The following ADGRG6 variants were observed in gnomAD, a reference collection of about 807,000 sequenced individuals.
ADGRG6 encodes adhesion G protein-coupled receptor G6, also known as G-protein coupled receptor 126.
A neutral mutation model predicts 142.4 loss-of-function variants in ADGRG6; 84 were observed. That is an observed-to-expected ratio of 0.59 (90% confidence interval 0.49 to 0.71). ADGRG6 has a LOEUF of 0.71. ADGRG6 is among the 30% of genes least tolerant of loss of function. The pLI, the probability that ADGRG6 is intolerant of heterozygous loss-of-function variation, is 0.00. For synonymous variants in ADGRG6, 521 were observed against 520.5 expected (o/e 1.00, Z -0.01); for missense variants, 1,367 against 1,466.6 (o/e 0.93, Z 1.11).
rs773992804 is a variant in ADGRG6, at chr6:142,417,295, A to G, written c.2961A>G (p.Ser987=). ...CAGGTTTGCCTGCCTTAGTGGTGTC[A>G]GTTGTTCTAGCGAGCAGAAACAACA... ...IGWGLPALVV[S]VVLASRNNNE... Residue 987 remains serine, a synonymous_variant, in exon 21 of 25, where the codon TCA becomes TCG. Transcript: ENST00000367609. 4.4e-6 allele frequency: 7 copies of G among 1,600,238 alleles called. No homozygotes were observed. Among genetic ancestry groups the G allele is most frequent in the South Asian group, 3.3e-5 (3 of 89,930 alleles).
intron 2 of ADGRG6, among the ~76,000 whole-genome samples, chr6:142,350,478 T>G (rs1780118646): frequency 6.6e-6 from 1 of 152,168 alleles, no homozygotes; most frequent in Non-Finnish European, 1.5e-5. Context: ...ATGAAACAAC[T>G]CATAAACTCA....
At chr6:142,388,075 T>C (rs1782120371) in intron 6 of ADGRG6, among the ~76,000 whole-genome samples, 1 of 152,166 alleles carries the variant, frequency 6.6e-6, no homozygotes, top group Non-Finnish European at 1.5e-5. Context: ...TGTGTCTTAA[T>C]TATGCATTTC....
intron 2 of ADGRG6, among the ~76,000 whole-genome samples, chr6:142,341,422 TATATA>T (rs1425731789): frequency 3.3e-5 from 4 of 120,552 alleles, no homozygotes; most frequent in African/African-American, 1.3e-4. Flanking sequence ...ATAATATAAT[TATATA>T]ATATATATAA....
chr6:142,356,551 G>A (rs1780454488), intron 2 of ADGRG6, among the ~76,000 whole-genome samples: 1 of 152,174 alleles, frequency 6.6e-6, no homozygotes, highest in South Asian at 2.1e-4. Flanking sequence ...ACTATACAGG[G>A]CACTCCTTTC....
chr6:142,409,246 A>G (rs933652398), intron 16 of ADGRG6, among the ~76,000 whole-genome samples: 17 of 152,092 alleles, frequency 1.1e-4, no homozygotes, highest in Non-Finnish European at 2.4e-4. Flanking sequence ...AGTACCTCAT[A>G]TAAGTGGAAA....
At chr6:142,377,415 C>G (rs1781555050) in intron 4 of ADGRG6, among the ~76,000 whole-genome samples, 1 of 152,208 alleles carries the variant, frequency 6.6e-6, no homozygotes, top group African/African-American at 2.4e-5. Flanking sequence ...ACAAGTCGGG[C>G]TCCAGTCCTC....
At chr6:142,357,998 T>G (rs914587623) in intron 2 of ADGRG6, among the ~76,000 whole-genome samples, 1 of 152,242 alleles carries the variant, frequency 6.6e-6, no homozygotes, top group African/African-American at 2.4e-5. Flanking sequence ...ATGGTCCCAG[T>G]ACTTTATATA....
chr6:142,429,135 A>G (rs898468499), intron 22 of ADGRG6, among the ~76,000 whole-genome samples: 12 of 152,216 alleles, frequency 7.9e-5, no homozygotes, highest in African/African-American at 2.9e-4. Flanking sequence ...AAATGAGTAG[A>G]GGATAGTTTA....
At chr6:142,310,709 T>C (rs1475566948) in intron 2 of ADGRG6, among the ~76,000 whole-genome samples, 2 of 151,912 alleles carry the variant, frequency 1.3e-5, no homozygotes, top group Non-Finnish European at 2.9e-5. Flanking sequence ...ACTTATTTAA[T>C]GGCTTCAAAA....
chr6:142,303,658 A>G lies in ADGRG6; in HGVS notation c.2+1327A>G, dbSNP rs140341091. Among the ~76,000 whole-genome samples, 182 of 152,340 alleles carry G rather than the reference A, an allele frequency of 1.2e-3. 1 individual carries two copies. Among genetic ancestry groups the G allele is most frequent in the African/African-American group, 4.0e-3 (168 of 41,576 alleles). ...TATACAGGCTACACATTTTGAAGTA[A>G]TATGAGCTTGTTTTCAACTTCAGTT... On this transcript the variant is annotated intron_variant, in intron 1 of 24. Coordinates refer to ENST00000367609, the MANE Select transcript of ADGRG6 (RefSeq NM_198569.3).
At position 142,415,082 on chromosome 6, in the gene ADGRG6, A is replaced by G. The variant is rs376656716; in HGVS notation, c.2655A>G (p.Thr885=). 1.6e-5 allele frequency: 26 copies of G among 1,610,162 alleles called. No homozygotes were observed. The African/African-American group carries it at 3.2e-4, about 20-fold the overall frequency. ...TTTTTTCAGCAGCAACTCTCCTGACATATGTTGCTTTTGAGTAAGTATATT... is the reference window on the plus strand; with the variant it reads ...TTTTTTCAGCAGCAACTCTCCTGACGTATGTTGCTTTTGAGTAAGTATATT... ...SAIFSAATLL[T]YVAFEKLRRD... The change falls in exon 19 of 25, where the codon ACA becomes ACG. Residue 885 remains threonine, a synonymous_variant. Coordinates refer to ENST00000367609, the MANE Select transcript of ADGRG6 (RefSeq NM_198569.3).
At position 142,397,761 on chromosome 6, in the gene ADGRG6, T is replaced by C. The variant is rs763530726; in HGVS notation, c.1567+6T>C. On this transcript the variant is annotated splice_donor_region_variant and intron_variant, in intron 10 of 24. Coordinates refer to ENST00000367609, the MANE Select transcript of ADGRG6 (RefSeq NM_198569.3). ...AGTGAATGTGAGACAACTGGGTAAG[T>C]GACTAATTTTTTTATAATATGCATT... 4.6e-6 allele frequency: 7 copies of C among 1,530,912 alleles called. No homozygotes were observed. In the African/African-American group the frequency reaches 9.9e-5, roughly 22 times the overall value. The allele number at this position is 1,530,912 out of a possible 1,614,324, so 94.8% of individuals were successfully genotyped here.
intron 4 of ADGRG6, 45 bp downstream of exon 4, chr6:142,370,838 T>C (rs752969611): frequency 2.0e-5 from 32 of 1,572,824 alleles, no homozygotes; most frequent in Non-Finnish European, 2.4e-5. Context: ...TTTAGCATTA[T>C]TCTATGAATA....
At chr6:142,356,374 T>C (rs2114800605) in intron 2 of ADGRG6, among the ~76,000 whole-genome samples, 1 of 152,314 alleles carries the variant, frequency 6.6e-6, no homozygotes, top group African/African-American at 2.4e-5. Context: ...TCTTGAGCAG[T>C]AGGAATGTAC....
At position 142,408,164 on chromosome 6, in the gene ADGRG6, A is replaced by G. The variant is rs1400007460; in HGVS notation, c.2283A>G (p.Gln761=). 1.3e-6 allele frequency: 2 copies of G among 1,584,198 alleles called. No individual in the cohort carries two copies. Among genetic ancestry groups the G allele is most frequent in the Non-Finnish European group, 1.7e-6 (2 of 1,163,486 alleles). Residue 761 remains glutamine (Q), a synonymous_variant, in exon 16 of 25, where the codon CAA becomes CAG. Coordinates refer to ENST00000367609, the MANE Select transcript of ADGRG6 (RefSeq NM_198569.3). ...TTCTTTAAAAGGATGTAGGACCCCA[A>G]AGAAAAACTTTAGTGAGTTATGTGA... ...KTGLFQDVGP[Q]RKTLVSYVMA...
intron 4 of ADGRG6, among the ~76,000 whole-genome samples, chr6:142,375,271 A>G (rs144497137): frequency 6.6e-6 from 1 of 152,196 alleles, no homozygotes. Flanking sequence ...ATAAGTTTTC[A>G]AAGTAATTTT....
intron 2 of ADGRG6, among the ~76,000 whole-genome samples, chr6:142,335,918 G>GA (rs1455800344): frequency 6.6e-6 from 1 of 151,998 alleles, no homozygotes; most frequent in East Asian, 1.9e-4. Flanking sequence ...TAAGAAGTAA[G>GA]AAAAAAATGT....
At chr6:142,402,086 C>G (rs766360618) in intron 12 of ADGRG6, 28 bp downstream of exon 12, 1 of 1,154,904 alleles carries the variant, frequency 8.7e-7, no homozygotes, top group South Asian at 1.3e-5. Flanking sequence ...CTTTATTTCT[C>G]AAGGACAAAA....
At chr6:142,329,482 A>C (rs575615136) in intron 2 of ADGRG6, among the ~76,000 whole-genome samples, 2 of 152,288 alleles carry the variant, frequency 1.3e-5, no homozygotes, top group East Asian at 3.9e-4. Context: ...TAATTGTATA[A>C]GCATCAGCCA....
Sources: gnomAD v4.1 joint callset for allele counts (sites outside exome capture counted in the v4.1 genomes callset) on GRCh38, gnomAD v4.1.1 for gene constraint, MANE v1.5 for transcripts, NCBI Gene and HGNC (gene_info 2026-07-23, HGNC 2026-07-21) for gene names.